ATAD2B: variants seen among roughly 807,000 people sequenced by gnomAD.
The protein encoded by ATAD2B is ATPase family AAA domain-containing protein 2B.
A neutral mutation model predicts 167.6 loss-of-function variants in ATAD2B; 40 were observed. The ratio of observed to expected loss-of-function variants is 0.24; its 90% confidence interval spans 0.19 to 0.31. The LOEUF is 0.31. ATAD2B is among the 10% of genes least tolerant of loss of function. The pLI is 1.00. For missense variants in ATAD2B, 1,242 were observed against 1,757.2 expected, an observed-to-expected ratio of 0.71 and a Z score of 5.24; for synonymous variants, 579 against 596.5, an observed-to-expected ratio of 0.97 and a Z score of 0.43.
At chr2:23,745,368 AGAAGGAAGGAAGGAAG>A (rs767435573), downstream of ATAD2B, among the ~76,000 whole-genome samples, 4,081 of 52,894 alleles carry the variant, frequency 0.077, 143 homozygotes, top group Middle Eastern at 0.12. Flanking sequence ...AAGGAAGGAA[AGAAGGAAGGAAGGAAG>A]GAAGGAAGGA....
chr2:23,792,826 G>A (rs972079177), intron 19 of ATAD2B, among the ~76,000 whole-genome samples: 1 of 151,618 alleles, frequency 6.6e-6, no homozygotes, highest in African/African-American at 2.4e-5. Context: ...GCTGGGCGTG[G>A]TGGCGGGCGC....
intron 2 of ATAD2B, among the ~76,000 whole-genome samples, chr2:23,894,887 C>T (rs1699985356): frequency 6.6e-6 from 1 of 152,140 alleles, no homozygotes; most frequent in South Asian, 2.1e-4. Context: ...ACTGGTACAT[C>T]TTATGGAGCA....
intron 1 of ATAD2B, among the ~76,000 whole-genome samples, chr2:23,912,122 A>C (rs1029043896): frequency 3.9e-5 from 6 of 152,320 alleles, no homozygotes; most frequent in African/African-American, 1.4e-4. Context: ...AAGTCAGAAC[A>C]AATTTCAAAA....
the ATAD2B span, among the ~76,000 whole-genome samples, chr2:23,700,555 G>A: frequency 3.3e-5 from 5 of 152,116 alleles, no homozygotes; most frequent in African/African-American, 4.8e-5. This position sits in a 1 kb window ranked among gnomAD's most constrained non-coding sequence, Gnocchi z 4.6. Context: ...GAGTGACATC[G>A]CAGAAACCAG....
At chr2:23,758,385 T>G (rs1432399771) in intron 24 of ATAD2B, among the ~76,000 whole-genome samples, 1 of 152,208 alleles carries the variant, frequency 6.6e-6, no homozygotes, top group Non-Finnish European at 1.5e-5. Context: ...ACTTTACTAC[T>G]GTTCCTAATT....
chr2:23,771,955 G>T lies in ATAD2B; in HGVS notation c.3134-6327C>A, dbSNP rs535408461. On this transcript the variant is annotated intron_variant, in intron 22 of 27. Coordinates refer to ENST00000238789, the MANE Select transcript of ATAD2B (RefSeq NM_017552.4). ...TTCAGATTCCAGGTCTGGCTCCCCA[G>T]TTCAGAGGACCTCCAGAATATGCCT... is the stretch of plus-strand genomic sequence containing the variant. Among the ~76,000 whole-genome samples the T allele has an allele frequency of 2.0e-5, 3 of 152,244 alleles. No homozygotes were observed. The South Asian group carries it at 6.2e-4, about 32-fold the overall frequency.
intron 22 of ATAD2B, among the ~76,000 whole-genome samples, chr2:23,778,543 T>C (rs371933358): frequency 6.6e-6 from 1 of 152,066 alleles, no homozygotes; most frequent in Non-Finnish European, 1.5e-5. Flanking sequence ...AACCAACTTA[T>C]AAAAAAATTA....
chr2:23,734,672 T>C, the ATAD2B span, among the ~76,000 whole-genome samples: 1 of 152,078 alleles, frequency 6.6e-6, no homozygotes, highest in Non-Finnish European at 1.5e-5. Flanking sequence ...TGGGAATTCA[T>C]TCACTATCAT....
intron 1 of ATAD2B, among the ~76,000 whole-genome samples, chr2:23,920,324 T>C (rs1481556523): frequency 1.3e-5 from 2 of 152,358 alleles, no homozygotes; most frequent in South Asian, 2.1e-4. Flanking sequence ...TAAGTATCCA[T>C]GCCATTCATT....
chr2:23,857,824 C>A lies in ATAD2B; in HGVS notation c.1480-321G>T, dbSNP rs551522747. Among the ~76,000 whole-genome samples the A allele has an allele frequency of 2.7e-5, 4 of 148,544 alleles. No individual in the cohort carries two copies. In the East Asian group the frequency reaches 8.1e-4, roughly 30 times the overall value. On this transcript the variant is annotated intron_variant, in intron 12 of 27. Coordinates refer to ENST00000238789, the MANE Select transcript of ATAD2B (RefSeq NM_017552.4). Reference sequence around the variant, plus strand: ...TGGCACGATCTCGGCTCACTACAAGCTCCGTCTCCCAGATTCACACCATTC... The same window carrying A: ...TGGCACGATCTCGGCTCACTACAAGATCCGTCTCCCAGATTCACACCATTC...
chr2:23,689,134 A>C, the ATAD2B span: 1 of 152,304 alleles, frequency 6.6e-6, no homozygotes, highest in Admixed American at 6.5e-5. Flanking sequence ...CTTTGAACTC[A>C]GATTCTGAAA....
chr2:23,851,909 C>T (rs1692629543), intron 13 of ATAD2B, among the ~76,000 whole-genome samples: 1 of 140,516 alleles, frequency 7.1e-6, no homozygotes, highest in Admixed American at 7.8e-5. Context: ...ATCCTCTAGC[C>T]GGAGTAATCA....
At chr2:23,691,583 G>C in the ATAD2B span, 1 of 1,102,086 alleles carries the variant, frequency 9.1e-7, no homozygotes, top group South Asian at 1.4e-5. Context: ...CCAAGGGCAT[G>C]ACCAAGGTGT....
At chr2:23,842,497 C>T (rs1486093541) in intron 13 of ATAD2B, among the ~76,000 whole-genome samples, 8 of 152,012 alleles carry the variant, frequency 5.3e-5, no homozygotes, top group Admixed American at 4.6e-4. Flanking sequence ...AATGGAAACA[C>T]GGTGGGAGTT....
chr2:23,723,710 T>G, the ATAD2B span, among the ~76,000 whole-genome samples: 1 of 151,972 alleles, frequency 6.6e-6, no homozygotes, highest in Middle Eastern at 3.4e-3. Context: ...GTATGGAGGG[T>G]CTTCACAAAA....
intron 13 of ATAD2B, among the ~76,000 whole-genome samples, chr2:23,855,034 AAAATACAAAATT>A (rs1421468984): frequency 6.6e-6 from 1 of 152,136 alleles, no homozygotes; most frequent in Admixed American, 6.6e-5. Flanking sequence ...GTCTCTACTA[AAAATACAAAATT>A]AGCCGGGCAT....
intron 7 of ATAD2B, among the ~76,000 whole-genome samples, chr2:23,877,510 G>A (rs148013851): frequency 0.088 from 7,953 of 90,534 alleles, 436 homozygotes; most frequent in South Asian, 0.13. Context: ...GGGAAGGGGA[G>A]GGAAGGGGAG....
chr2:23,872,035 G>A (rs534651740), intron 8 of ATAD2B, among the ~76,000 whole-genome samples: 20 of 152,100 alleles, frequency 1.3e-4, no homozygotes, highest in African/African-American at 4.8e-4. Context: ...ACACCAACAC[G>A]CCCAGCTAAT....
intron 22 of ATAD2B, among the ~76,000 whole-genome samples, chr2:23,782,219 C>T (rs1279774462): frequency 6.6e-6 from 1 of 152,248 alleles, no homozygotes; most frequent in African/African-American, 2.4e-5. Flanking sequence ...ATCTAATCCA[C>T]TGCAAAGCCC....
Sources: allele counts gnomAD v4.1 joint callset (sites outside exome capture counted in the v4.1 genomes callset), GRCh38; gene constraint gnomAD v4.1.1; non-coding constraint Gnocchi (gnomAD v3.1); transcripts MANE v1.5; gene names NCBI Gene and HGNC (gene_info 2026-07-23, HGNC 2026-07-21).